The following NTRK2 variants were observed in gnomAD, a reference collection of about 807,000 sequenced individuals.
NTRK2 encodes the protein BDNF/NT-3 growth factors receptor.
NTRK2 carries 13 observed loss-of-function variants against 94.5 expected under a neutral mutation model. That is an observed-to-expected ratio of 0.14 (90% CI 0.09 to 0.22). NTRK2 has a LOEUF of 0.22. Ranked by LOEUF, NTRK2 falls within the 10% of genes least tolerant of loss-of-function variation. NTRK2 has a pLI of 1.00. For missense variants in NTRK2, 639 were observed against 1,071.2 expected (o/e 0.60, Z 5.63); for synonymous variants, 372 against 407.4 (o/e 0.91, Z 1.05).
intron 12 of NTRK2, among the ~76,000 whole-genome samples, chr9:84,820,506 G>A (rs1247391471): frequency 2.6e-5 from 4 of 152,074 alleles, no homozygotes; most frequent in African/African-American, 4.8e-5. Context: ...TACTAATTCC[G>A]TGAACAGTTG....
At chr9:84,808,223 C>T (rs933351299) in intron 12 of NTRK2, among the ~76,000 whole-genome samples, 13 of 152,074 alleles carry the variant, frequency 8.5e-5, no homozygotes, top group African/African-American at 3.1e-4. Flanking sequence ...GCTGTGTTTC[C>T]AACTGTAATA....
chr9:84,691,900 G>A (rs2060073002), intron 2 of NTRK2, among the ~76,000 whole-genome samples: 1 of 152,142 alleles, frequency 6.6e-6, no homozygotes, highest in South Asian at 2.1e-4. Context: ...GAGCCTGCCA[G>A]GATGAATTAG....
chr9:84,783,975 G>A (rs544336028), intron 12 of NTRK2, among the ~76,000 whole-genome samples: 2 of 152,246 alleles, frequency 1.3e-5, no homozygotes, highest in East Asian at 1.9e-4. Flanking sequence ...TGTGATGGGA[G>A]GTGGGACTGC....
At chr9:84,886,351 C>G (rs936527367) in intron 14 of NTRK2, among the ~76,000 whole-genome samples, 1 of 152,208 alleles carries the variant, frequency 6.6e-6, no homozygotes, top group Non-Finnish European at 1.5e-5. Context: ...GAAGAAGCTT[C>G]GAAAGCTTTT....
At chr9:84,835,309 A>T (rs12057045) in intron 12 of NTRK2, among the ~76,000 whole-genome samples, 45,810 of 151,910 alleles carry the variant, frequency 0.3, 8,051 homozygotes, top group African/African-American at 0.49. Context: ...ATCACAGTAG[A>T]TGTATCCAGT....
intron 17 of NTRK2, among the ~76,000 whole-genome samples, chr9:84,970,363 C>CAAAAAATA (rs955097950): frequency 6.1e-5 from 9 of 147,152 alleles, no homozygotes; most frequent in Admixed American, 2.0e-4. Flanking sequence ...GGACAGAGTG[C>CAAAAAATA]AAAAAATAAA....
chr9:84,703,472 A>C lies in NTRK2; in HGVS notation c.359+1053A>C, dbSNP rs566033163. On this transcript the variant is annotated intron_variant, in intron 4 of 18. Transcript: ENST00000277120. ...CTCTCCATGTTCTTACAATAAGAGC[A>C]CAGGAAATAAAATCTGTATCATCCT... is the stretch of plus-strand genomic sequence containing the variant. Among the ~76,000 whole-genome samples, 5 of 152,342 alleles carry C rather than the reference A, an allele frequency of 3.3e-5. No homozygotes were observed. In the East Asian group the frequency reaches 7.7e-4, roughly 24 times the overall value.
intron 12 of NTRK2, among the ~76,000 whole-genome samples, chr9:84,835,518 TAAC>T (rs762853922): frequency 1.3e-5 from 2 of 150,088 alleles, no homozygotes; most frequent in African/African-American, 2.5e-5. Flanking sequence ...TAGACAGAGA[TAAC>T]AACAACAAGA....
intron 14 of NTRK2, among the ~76,000 whole-genome samples, chr9:84,870,134 C>G (rs2075782201): frequency 1.5e-5 from 2 of 136,460 alleles, no homozygotes; most frequent in African/African-American, 5.6e-5. Context: ...TATACACACA[C>G]ACACACATAT....
At chr9:84,868,285 C>G (rs546022865) in intron 14 of NTRK2, among the ~76,000 whole-genome samples, 17 of 152,290 alleles carry the variant, frequency 1.1e-4, no homozygotes, top group African/African-American at 4.1e-4. Context: ...TCTTAAATAC[C>G]ATTCTCCTAC....
intron 15 of NTRK2, among the ~76,000 whole-genome samples, chr9:84,936,138 G>A (rs1054360494): frequency 2.0e-5 from 3 of 152,180 alleles, no homozygotes; most frequent in African/African-American, 7.2e-5. Flanking sequence ...TCCTAGATGA[G>A]AGTGTAGAAA....
chr9:84,927,625 G>A (rs1048271448), intron 14 of NTRK2, among the ~76,000 whole-genome samples: 2 of 151,880 alleles, frequency 1.3e-5, no homozygotes, highest in African/African-American at 2.4e-5. Flanking sequence ...GCCAAGGCAA[G>A]GTATGTTGTA....
At chr9:84,829,110 T>C (rs2073372154) in intron 12 of NTRK2, among the ~76,000 whole-genome samples, 1 of 152,122 alleles carries the variant, frequency 6.6e-6, no homozygotes, top group Admixed American at 6.5e-5. Flanking sequence ...GCAATTCTCA[T>C]GCCTCAGCCT....
At chr9:84,874,023 C>T (rs1398630213) in intron 14 of NTRK2, 2 of 1,063,988 alleles carry the variant, frequency 1.9e-6, no homozygotes, top group East Asian at 5.0e-5. Flanking sequence ...CAGTGATGTT[C>T]TAGAAGCATC....
intron 14 of NTRK2, among the ~76,000 whole-genome samples, chr9:84,889,447 C>G (rs2076532839): frequency 6.6e-6 from 1 of 152,242 alleles, no homozygotes; most frequent in South Asian, 2.1e-4. Context: ...GAGTCTCACT[C>G]TGTTGCCCAA....
intron 14 of NTRK2, among the ~76,000 whole-genome samples, chr9:84,878,431 C>T (rs557552991): frequency 6.6e-6 from 1 of 151,818 alleles, no homozygotes; most frequent in East Asian, 2.0e-4. Flanking sequence ...GTCAAGAGAT[C>T]AAGACCCTCC....
At chr9:84,765,424 G>A (rs1048958632) in intron 12 of NTRK2, among the ~76,000 whole-genome samples, 1 of 152,126 alleles carries the variant, frequency 6.6e-6, no homozygotes, top group Non-Finnish European at 1.5e-5. Flanking sequence ...TTTGTGGCTG[G>A]TGGTAGCATC....
At chr9:84,891,053 C>T (rs1204956170) in intron 14 of NTRK2, among the ~76,000 whole-genome samples, 2 of 152,278 alleles carry the variant, frequency 1.3e-5, no homozygotes, top group East Asian at 3.9e-4. Context: ...CATGTGTCAA[C>T]CTGGCTGTTT....
At chr9:84,820,370 A>C (rs556758922) in intron 12 of NTRK2, among the ~76,000 whole-genome samples, 5 of 152,014 alleles carry the variant, frequency 3.3e-5, no homozygotes, top group African/African-American at 1.2e-4. Flanking sequence ...GGGTTTCACC[A>C]TGTTGGCCAG....
Sources: allele counts gnomAD v4.1 joint callset (sites outside exome capture counted in the v4.1 genomes callset), GRCh38; gene constraint gnomAD v4.1.1; transcripts MANE v1.5; gene names NCBI Gene and HGNC (gene_info 2026-07-23, HGNC 2026-07-21).